The following COL4A2 variants were observed in gnomAD, a reference collection of about 807,000 sequenced individuals.
COL4A2 encodes the protein collagen alpha-2(IV) chain.
A neutral mutation model predicts 200.2 loss-of-function variants in COL4A2; 99 were observed. That is an observed-to-expected ratio of 0.49 (90% CI 0.42 to 0.58). COL4A2 has a LOEUF of 0.58. Ranked by LOEUF, COL4A2 falls within the 20% of genes least tolerant of loss-of-function variation. The pLI is 0.00. For missense variants in COL4A2, 1,950 were observed against 2,314.1 expected, an observed-to-expected ratio of 0.84 and a Z score of 3.23; for synonymous variants, 897 against 900.6, an observed-to-expected ratio of 1.00 and a Z score of 0.07.
chr13:110,475,845 G>A (rs1367005975), intron 29 of COL4A2, among the ~76,000 whole-genome samples: 2 of 152,254 alleles, frequency 1.3e-5, no homozygotes, highest in African/African-American at 4.8e-5. Context: ...GAGGGAGGCT[G>A]ATTTTTAGCA....
At chr13:110,435,414 T>C (rs866605245) in intron 12 of COL4A2, among the ~76,000 whole-genome samples, 1 of 152,156 alleles carries the variant, frequency 6.6e-6, no homozygotes, top group South Asian at 2.1e-4. Flanking sequence ...ACAAAGGACT[T>C]ATGCAAATAA....
Position 110,474,704 on chromosome 13 carries a change from TAC to T in COL4A2, c.2425+1557_2425+1558del, listed in dbSNP as rs956404511. On this transcript the variant is annotated intron_variant, in intron 29 of 47. Coordinates refer to ENST00000360467, the MANE Select transcript of COL4A2 (RefSeq NM_001846.4). ...ACACGTACCCACACACGTGCCTGTG[TAC>T]ACTCACATGATCACACACGCACGTA... 1.5e-4 allele frequency among the ~76,000 whole-genome samples: 8 copies of T among 54,328 alleles called. 3 individuals carry two copies. The highest frequency in any genetic ancestry group is 2.6e-4 in the African/African-American group (4 of 15,646). 35.6% of individuals were successfully genotyped at this position (54,328 alleles called of 152,430 possible). A position where few individuals can be genotyped will look rare whatever the true frequency, so the allele number is the denominator to read the frequency against.
chr13:110,384,524 A>G (rs1197961508), intron 4 of COL4A2, among the ~76,000 whole-genome samples: 3 of 152,120 alleles, frequency 2.0e-5, no homozygotes, highest in Non-Finnish European at 4.4e-5. Flanking sequence ...TGCTCCTCCA[A>G]CAAGGCCACC....
At chr13:110,501,554 C>CT (rs1883640738) in intron 40 of COL4A2, 114 bp from the exon 41 acceptor site, 1 of 962,762 alleles carries the variant, frequency 1.0e-6, no homozygotes, top group Non-Finnish European at 1.6e-6. Context: ...CCTCCCATCA[C>CT]TGTCTCGCTC....
At chr13:110,416,686 C>A (rs180815025) in intron 4 of COL4A2, among the ~76,000 whole-genome samples, 2 of 151,676 alleles carry the variant, frequency 1.3e-5, no homozygotes, top group African/African-American at 4.9e-5. Flanking sequence ...GTACATCTAC[C>A]CCAGTCAAAT....
intron 3 of COL4A2, among the ~76,000 whole-genome samples, chr13:110,317,389 C>T (rs746407124): frequency 2.1e-4 from 32 of 152,114 alleles, no homozygotes; most frequent in Non-Finnish European, 2.8e-4. Context: ...CATGCTCATG[C>T]GTGTACACAC....
chr13:110,511,717 C>T (rs1474430793), intron 47 of COL4A2, among the ~76,000 whole-genome samples: 3 of 151,974 alleles, frequency 2.0e-5, no homozygotes, highest in South Asian at 2.1e-4. Flanking sequence ...CTCTGCAGCA[C>T]GTCCTGGTGC....
At chr13:110,446,652 A>T in intron 17 of COL4A2, 146 bp from the exon 18 acceptor site, 1 of 635,448 alleles carries the variant, frequency 1.6e-6, no homozygotes, top group Non-Finnish European at 2.7e-6. Flanking sequence ...ATGCTGCCCC[A>T]GGCACTGTCT....
intron 33 of COL4A2, 122 bp from the exon 34 acceptor site, chr13:110,485,522 CAAAAAAAAAAA>C (rs34819988): frequency 2.5e-4 from 90 of 360,048 alleles, no homozygotes; most frequent in Non-Finnish European, 8.4e-5. Flanking sequence ...GACTCCGTCT[CAAAAAAAAAAA>C]AAAAAAAAAA....
chr13:110,354,725 C>G (rs1235883521), intron 3 of COL4A2, among the ~76,000 whole-genome samples: 6 of 151,326 alleles, frequency 4.0e-5, no homozygotes, highest in Admixed American at 3.9e-4. Flanking sequence ...GATGAGAGTT[C>G]TCTAGTAGAA....
Position 110,358,934 on chromosome 13 carries a change from G to A in COL4A2, c.180+1382G>A, listed in dbSNP as rs141843936. Among the ~76,000 whole-genome samples the A allele has an allele frequency of 7.3e-3, 1,109 of 152,198 alleles. 6 individuals carry two copies. Among genetic ancestry groups the A allele is most frequent in the South Asian group, 0.016 (78 of 4,824 alleles). On this transcript the variant is annotated intron_variant, in intron 4 of 47. Coordinates refer to ENST00000360467, the MANE Select transcript of COL4A2 (RefSeq NM_001846.4). ...TTCATTGTTCATTATAAGTACGTACGTGTGTTTGCATGTGTGTATATATGT... is the reference window on the plus strand; with the variant it reads ...TTCATTGTTCATTATAAGTACGTACATGTGTTTGCATGTGTGTATATATGT...
chr13:110,476,227 GA>G (rs1566556399), intron 29 of COL4A2, among the ~76,000 whole-genome samples: 40 of 152,016 alleles, frequency 2.6e-4, no homozygotes, highest in Non-Finnish European at 5.3e-4. Flanking sequence ...CCATCGCTGC[GA>G]ATCCTTTACA....
chr13:110,373,606 T>C (rs1878110248), intron 4 of COL4A2, among the ~76,000 whole-genome samples: 1 of 152,206 alleles, frequency 6.6e-6, no homozygotes, highest in African/African-American at 2.4e-5. Context: ...TCTCCTGTGT[T>C]GAATAAAGTG....
Position 110,387,773 on chromosome 13 carries a change from AG to A in COL4A2, c.180+30223del, listed in dbSNP as rs573218988. ...GGTTTCCTCTTTTAAGGCGATTCTG[AG>A]GCTTCCTTCTCCCCAGGCCCCTCCC... is the stretch of plus-strand genomic sequence containing the variant. On this transcript the variant is annotated intron_variant, in intron 4 of 47. Transcript: ENST00000360467. Among the ~76,000 whole-genome samples, 16 of 152,260 alleles carry A rather than the reference AG, an allele frequency of 1.1e-4. No individual in the cohort carries two copies. In the South Asian group the frequency reaches 3.3e-3, roughly 32 times the overall value.
At chr13:110,373,465 A>G (rs2139403653) in intron 4 of COL4A2, among the ~76,000 whole-genome samples, 1 of 152,378 alleles carries the variant, frequency 6.6e-6, no homozygotes, top group East Asian at 1.9e-4. Flanking sequence ...AACAACTTAT[A>G]GAACAGTCCT....
rs1883877651 is a variant in COL4A2 at position 110,506,397 on chromosome 13, C to A, written c.4403-18C>A. ...AGGTGCACCAGGCCGTCCACTCTCT[C>A]TCTTTCTCGGGCTGCAGGTGCACCA... On this transcript the variant is annotated intron_variant, in intron 45 of 47. Coordinates refer to ENST00000360467, the MANE Select transcript of COL4A2 (RefSeq NM_001846.4). The A allele has an allele frequency of 6.2e-7, 1 of 1,602,156 alleles. No individual in the cohort carries two copies. Among genetic ancestry groups the A allele is most frequent in the Non-Finnish European group, 8.5e-7 (1 of 1,175,392 alleles).
chr13:110,366,971 G>A lies in COL4A2; in HGVS notation c.180+9419G>A, dbSNP rs150413171. 3.3e-3 allele frequency among the ~76,000 whole-genome samples: 496 copies of A among 152,254 alleles called. 8 individuals are homozygous for A. The highest frequency in any genetic ancestry group is 6.8e-3 in the Middle Eastern group (2 of 294). On this transcript the variant is annotated intron_variant, in intron 4 of 47. Coordinates refer to ENST00000360467, the MANE Select transcript of COL4A2 (RefSeq NM_001846.4). ...GGTGTCAGAGGTCTGACTCACCTGGGAAGCACAAAGCAGGCCTTCCAAAGG... is the reference window on the plus strand; with the variant it reads ...GGTGTCAGAGGTCTGACTCACCTGGAAAGCACAAAGCAGGCCTTCCAAAGG...
At chr13:110,476,857 G>T (rs1882722965) in intron 29 of COL4A2, among the ~76,000 whole-genome samples, 1 of 151,980 alleles carries the variant, frequency 6.6e-6, no homozygotes, top group Non-Finnish European at 1.5e-5. Flanking sequence ...ATGAAGAGAA[G>T]AAATCACACA....
chr13:110,466,050 G>A lies in COL4A2; in HGVS notation c.2026G>A (p.Ala676Thr), dbSNP rs1428160301. The A allele has an allele frequency of 3.7e-6, 6 of 1,613,648 alleles. No homozygotes were observed. Among genetic ancestry groups the A allele is most frequent in the Non-Finnish European group, 5.1e-6 (6 of 1,179,724 alleles). The change falls in exon 26 of 48, where the codon GCC becomes ACC. Residue 676 changes from alanine (A) to threonine (T), a missense_variant. By Grantham distance (58) the Ala-to-Thr change is moderately conservative (BLOSUM62 0). Around this residue, in one of 2 missense-constraint regions of COL4A2, gnomAD observed 1,385 missense variants for 1,720.5 expected, o/e 0.80. Transcript: ENST00000360467. ...KRAVGGDRQE[A>T]IQPGCIGGPK... ...GGCCGTTGGAGGTGACAGACAGGAGGCCATCCAGCCAGGTACTCTGGGAAG... is the reference window on the plus strand; with the variant it reads ...GGCCGTTGGAGGTGACAGACAGGAGACCATCCAGCCAGGTACTCTGGGAAG...
Sources: gnomAD v4.1 joint callset for allele counts (sites outside exome capture counted in the v4.1 genomes callset) on GRCh38, gnomAD v4.1.1 for gene constraint, gnomAD v4.1.1 regional missense constraint, MANE v1.5 for transcripts, NCBI Gene and HGNC (gene_info 2026-07-23, HGNC 2026-07-21) for gene names.